The following WIPI1 variants were observed in gnomAD, a reference collection of about 807,000 sequenced individuals.
WIPI1 encodes WD repeat domain, phosphoinositide interacting 1.
Under a neutral mutation model 55.3 loss-of-function variants are expected in WIPI1, and 45 were observed. The ratio of observed to expected loss-of-function variants is 0.81; its 90% CI spans 0.64 to 1.04. The LOEUF is 1.04. Ranked by LOEUF, WIPI1 falls within the 50% of genes least tolerant of loss-of-function variation. The pLI, the probability that WIPI1 is intolerant of heterozygous loss-of-function variation, is 0.00. For missense variants in WIPI1, 445 were observed against 559.0 expected (o/e 0.80, Z 2.06); for synonymous variants, 195 against 217.6 (o/e 0.90, Z 0.92).
chr17:68,435,751 A>T (rs984037832), intron 5 of WIPI1, 39 bp from the exon 6 acceptor site: 1 of 1,589,824 alleles, frequency 6.3e-7, no homozygotes, highest in African/African-American at 1.3e-5. Flanking sequence ...GATGCTGCGG[A>T]GGAGGGAAGA....
rs375276366 is a variant in WIPI1 at position 68,433,455 on chromosome 17, G to A, written c.800+13C>T. 3.8e-5 allele frequency: 61 copies of A among 1,611,226 alleles called. No homozygotes were observed. The highest frequency in any genetic ancestry group is 4.5e-5 in the Non-Finnish European group (53 of 1,177,644). On this transcript the variant is annotated intron_variant, in intron 8 of 12. Coordinates refer to ENST00000262139, the MANE Select transcript of WIPI1 (RefSeq NM_017983.7). ...TCGTTTAATGAGCATTTGGTGCCCC[G>A]CGGAGTACTTGCCTGTTGGTGACCT...
chr17:68,455,675 G>A (rs1398878250), intron 1 of WIPI1, among the ~76,000 whole-genome samples: 2 of 152,206 alleles, frequency 1.3e-5, no homozygotes, highest in Non-Finnish European at 2.9e-5. Context: ...AAAACTAACA[G>A]TAGGGAGTAA....
At chr17:68,439,210 T>C (rs1317301801) in intron 4 of WIPI1, among the ~76,000 whole-genome samples, 1 of 152,128 alleles carries the variant, frequency 6.6e-6, no homozygotes, top group African/African-American at 2.4e-5. Context: ...TATTCATAAG[T>C]CAAAAAGTGG....
At chr17:68,452,840 G>A (rs1288338033) in intron 2 of WIPI1, 70 bp downstream of exon 2, 53 of 1,413,950 alleles carry the variant, frequency 3.7e-5, no homozygotes, top group Admixed American at 2.9e-4. Context: ...TGGTAGCACC[G>A]CAGATTAAAG....
intron 8 of WIPI1, 105 bp downstream of exon 8, chr17:68,433,363 C>A: frequency 1.8e-6 from 2 of 1,092,504 alleles, no homozygotes; most frequent in East Asian, 2.4e-5. Flanking sequence ...CAAGTGAAGC[C>A]AAGATTGGGT....
chr17:68,439,108 A>G (rs1017526129), intron 4 of WIPI1, among the ~76,000 whole-genome samples: 1 of 152,198 alleles, frequency 6.6e-6, no homozygotes, highest in Non-Finnish European at 1.5e-5. Context: ...AAGTTCTCAT[A>G]TGACCTAGAA....
In WIPI1 at chr17:68,433,760, G is replaced by GTTTTTT. The variant is rs556777098; in HGVS notation, c.693-191_693-186dup. On this transcript the variant is annotated intron_variant, in intron 7 of 12. Coordinates refer to ENST00000262139, the MANE Select transcript of WIPI1 (RefSeq NM_017983.7). ...TCAGAAAGATTCACAAAGGGTCATA[G>GTTTTTT]TTTTTTTTTTTTTTTTTTTTTTTTT... 4.7e-4 allele frequency among the ~76,000 whole-genome samples: 34 copies of GTTTTTT among 72,816 alleles called. 5 individuals carry two copies. Among genetic ancestry groups the GTTTTTT allele is most frequent in the African/African-American group, 1.8e-3 (27 of 15,264 alleles). The allele number at this position is 72,816 out of a possible 152,430, so 47.8% of individuals were successfully genotyped here.
intron 7 of WIPI1, 37 bp from the exon 8 acceptor site, chr17:68,433,612 G>A: frequency 1.3e-6 from 2 of 1,553,886 alleles, no homozygotes; most frequent in Non-Finnish European, 1.8e-6. Context: ...GTGAGCAAGA[G>A]AAATGGGAGT....
At chr17:68,452,152 T>C (rs1180754137) in intron 2 of WIPI1, among the ~76,000 whole-genome samples, 4 of 152,248 alleles carry the variant, frequency 2.6e-5, no homozygotes, top group Admixed American at 1.3e-4. Context: ...TCACTAGACA[T>C]GCTTCAACAT....
chr17:68,438,745 C>T (rs1053672400), intron 4 of WIPI1, among the ~76,000 whole-genome samples: 4 of 152,170 alleles, frequency 2.6e-5, no homozygotes, highest in African/African-American at 9.7e-5. Context: ...GGATTACAGG[C>T]GTGTGCCACC....
In WIPI1 at chr17:68,437,012, A is replaced by ATGTGTGTGTG. The variant is rs1568637117; in HGVS notation, c.431-534_431-533insCACACACACA. On this transcript the variant is annotated intron_variant, in intron 4 of 12. Coordinates refer to ENST00000262139, the MANE Select transcript of WIPI1 (RefSeq NM_017983.7). ...CCGTCTCAAAAAAAAAAAAATATAT[A>ATGTGTGTGTG]TATATGTGTGTGTGTGTGTGTGTGT... Among the ~76,000 whole-genome samples, 339 of 82,060 alleles carry ATGTGTGTGTG rather than the reference A, an allele frequency of 4.1e-3. 3 individuals are homozygous for ATGTGTGTGTG. Among genetic ancestry groups the ATGTGTGTGTG allele is most frequent in the African/African-American group, 0.015 (321 of 20,908 alleles). The allele number at this position is 82,060 out of a possible 152,430, so 53.8% of individuals were successfully genotyped here.
At chr17:68,455,424 C>T (rs370359702) in intron 1 of WIPI1, among the ~76,000 whole-genome samples, 4 of 150,862 alleles carry the variant, frequency 2.7e-5, no homozygotes, top group Non-Finnish European at 4.4e-5. Flanking sequence ...GAAGTATGAG[C>T]GTAGGGGACT....
At chr17:68,451,868 CTT>C (rs1482765764) in intron 2 of WIPI1, among the ~76,000 whole-genome samples, 1 of 152,224 alleles carries the variant, frequency 6.6e-6, no homozygotes, top group African/African-American at 2.4e-5. Flanking sequence ...GCTTTGGTAT[CTT>C]TCTGAGCACA....
chr17:68,433,659 A>T (rs990687497), intron 7 of WIPI1, 84 bp from the exon 8 acceptor site: 13 of 1,120,052 alleles, frequency 1.2e-5, no homozygotes, highest in Non-Finnish European at 1.6e-5. Context: ...TTTATAAGAA[A>T]ATCAGATGTA....
chr17:68,451,041 T>C (rs1394178558), intron 2 of WIPI1, 144 bp from the exon 3 acceptor site: 7 of 1,190,460 alleles, frequency 5.9e-6, no homozygotes, highest in South Asian at 3.3e-5. Flanking sequence ...GAGCTTGCAT[T>C]GACAGTGATC....
chr17:68,457,265 G>T, intron 1 of WIPI1, 77 bp downstream of exon 1: 1 of 1,497,392 alleles, frequency 6.7e-7, no homozygotes, highest in South Asian at 1.2e-5. Flanking sequence ...GAAGCCACAA[G>T]CTGCTCTCAG....
Position 68,426,131 on chromosome 17 carries a change from C to T in WIPI1, c.1237G>A (p.Glu413Lys). The change falls in exon 12 of 13, where the codon GAA becomes AAA. Residue 413 changes from glutamate to lysine, a missense_variant. By Grantham distance (56) the Glu-to-Lys change is moderately conservative. Coordinates refer to ENST00000262139, the MANE Select transcript of WIPI1 (RefSeq NM_017983.7). ...ACTGGTCCCGTCGCAAACTCATGTT[C>T]AGGAATAACTTCTCCTCGCAGCGCC... is the stretch of plus-strand genomic sequence containing the variant. Reference protein sequence around the residue: ...GGALRGEVIPEHEFATGPVCL... With the variant: ...GGALRGEVIPKHEFATGPVCL... The T allele has an allele frequency of 6.2e-7, 1 of 1,612,216 alleles. No homozygotes were observed. The highest frequency in any genetic ancestry group is 8.5e-7 in the Non-Finnish European group (1 of 1,179,924).
At chr17:68,429,893 G>A in intron 9 of WIPI1, 103 bp downstream of exon 9, 1 of 1,552,072 alleles carries the variant, frequency 6.4e-7, no homozygotes, top group East Asian at 2.3e-5. Context: ...CCAGCCTGGG[G>A]CAAGTTTTCT....
chr17:68,443,350 T>C (rs1257949902), intron 4 of WIPI1, among the ~76,000 whole-genome samples: 1 of 152,172 alleles, frequency 6.6e-6, no homozygotes, highest in Non-Finnish European at 1.5e-5. Flanking sequence ...TAACCTCAGG[T>C]GATCCACCCG....
Sources: allele counts gnomAD v4.1 joint callset (sites outside exome capture counted in the v4.1 genomes callset), GRCh38; gene constraint gnomAD v4.1.1; transcripts MANE v1.5; gene names NCBI Gene and HGNC (gene_info 2026-07-23, HGNC 2026-07-21).